The following IL1RAPL1 variants were observed in gnomAD, a reference collection of about 807,000 sequenced individuals.
IL1RAPL1 encodes the protein interleukin 1 receptor accessory protein like 1.
A neutral mutation model predicts 48.4 loss-of-function variants in IL1RAPL1; 3 were observed. The ratio of observed to expected loss-of-function variants is 0.06; its 90% CI spans 0.03 to 0.16. IL1RAPL1 has a LOEUF of 0.16. Among genes scored for constraint, IL1RAPL1 ranks in the 10% least tolerant of loss-of-function variants. IL1RAPL1 has a pLI of 1.00. For synonymous variants in IL1RAPL1, 185 were observed against 187.7 expected (o/e 0.99, Z 0.12); for missense variants, 349 against 530.6 (o/e 0.66, Z 3.36).
chrX:29,866,271 G>C (rs532617405), intron 6 of IL1RAPL1, among the ~76,000 whole-genome samples: 2 of 111,687 alleles, frequency 1.8e-5, no homozygotes, highest in African/African-American at 6.5e-5. Flanking sequence ...TGTGACAGGT[G>C]CTGCTCCAGG....
At position 29,423,501 on chromosome X, in the gene IL1RAPL1, T is replaced by A. The variant is rs766859153; in HGVS notation, c.703+24193T>A. Among the ~76,000 whole-genome samples, 246 of 112,038 alleles carry A rather than the reference T, an allele frequency of 2.2e-3. 2 individuals are homozygous for A. Among genetic ancestry groups the A allele is most frequent in the Non-Finnish European group, 3.4e-3 (182 of 53,219 alleles). On this transcript the variant is annotated intron_variant, in intron 5 of 10. Transcript: ENST00000378993. ...GAAAACAATATAGGTTAGCGATACATCTATTCTGGTGTCAACGCCAGAATA... is the reference window on the plus strand; with the variant it reads ...GAAAACAATATAGGTTAGCGATACAACTATTCTGGTGTCAACGCCAGAATA...
intron 2 of IL1RAPL1, among the ~76,000 whole-genome samples, chrX:29,015,869 T>C (rs1926230331): frequency 9.0e-6 from 1 of 110,762 alleles, no homozygotes; most frequent in South Asian, 3.7e-4. Context: ...TCCTTAACTT[T>C]ATACATGCTT....
rs762097030 is a variant in IL1RAPL1 at position 29,217,144 on chromosome X, G to T, written c.83-65794G>T. 2.7e-5 allele frequency among the ~76,000 whole-genome samples: 3 copies of T among 112,206 alleles called. No individual in the cohort carries two copies. The South Asian group carries it at 1.1e-3, about 42-fold the overall frequency. On this transcript the variant is annotated intron_variant, in intron 2 of 10. Coordinates refer to ENST00000378993, the MANE Select transcript of IL1RAPL1 (RefSeq NM_014271.4). ...GTCACACTTAAAAAGGACAGGCAGG[G>T]TTGTTTATCGCCCATGATGGACTGC...
At chrX:29,598,436 G>T (rs1032296748) in intron 5 of IL1RAPL1, among the ~76,000 whole-genome samples, 1 of 111,587 alleles carries the variant, frequency 9.0e-6, no homozygotes, top group Non-Finnish European at 1.9e-5. Context: ...GACTTGTTTT[G>T]TGGCCTATTA....
intron 2 of IL1RAPL1, among the ~76,000 whole-genome samples, chrX:28,994,069 GAAAA>G: frequency 9.6e-6 from 1 of 104,540 alleles, no homozygotes; most frequent in Middle Eastern, 4.9e-3. Context: ...GGCATTTTAA[GAAAA>G]AAAAAAGTAT....
chrX:29,852,514 C>T (rs1601852170), intron 6 of IL1RAPL1, among the ~76,000 whole-genome samples: 1 of 111,644 alleles, frequency 9.0e-6, no homozygotes. Context: ...TTTTTTGGGA[C>T]AACAAAGCCC....
chrX:29,387,277 G>A (rs1042382224), intron 3 of IL1RAPL1, among the ~76,000 whole-genome samples: 3 of 112,214 alleles, frequency 2.7e-5, no homozygotes, highest in African/African-American at 9.7e-5. Context: ...TATAGATGAA[G>A]AATATCTTGT....
intron 2 of IL1RAPL1, among the ~76,000 whole-genome samples, chrX:29,016,489 C>A (rs1926243180): frequency 9.0e-6 from 1 of 110,916 alleles, no homozygotes; most frequent in Non-Finnish European, 1.9e-5. Context: ...CCTTTGTAAG[C>A]CCTTTACAGT....
At chrX:28,588,315 A>G (rs767337062) in intron 1 of IL1RAPL1, among the ~76,000 whole-genome samples, 2 of 108,892 alleles carry the variant, frequency 1.8e-5, no homozygotes, top group Admixed American at 1.0e-4. Flanking sequence ...AAATCAAAGT[A>G]TCACTCTCTC....
At chrX:29,115,036 C>T (rs1928651556) in intron 2 of IL1RAPL1, among the ~76,000 whole-genome samples, 1 of 111,950 alleles carries the variant, frequency 8.9e-6, no homozygotes, top group Non-Finnish European at 1.9e-5. Context: ...ATATTTTGCT[C>T]ATTTACTTCT....
At chrX:28,707,693 A>G (rs895028100) in intron 1 of IL1RAPL1, among the ~76,000 whole-genome samples, 3 of 112,062 alleles carry the variant, frequency 2.7e-5, no homozygotes, top group African/African-American at 9.7e-5. Flanking sequence ...GACCCGAATG[A>G]TGTTAACTAC....
intron 2 of IL1RAPL1, among the ~76,000 whole-genome samples, chrX:29,013,077 C>A (rs760783187): frequency 9.0e-6 from 1 of 110,680 alleles, no homozygotes; most frequent in Non-Finnish European, 1.9e-5. Flanking sequence ...CCTGTCAAAG[C>A]AAAAGCATAT....
chrX:28,667,421 T>A (rs1312919189), intron 1 of IL1RAPL1, among the ~76,000 whole-genome samples: 1 of 112,360 alleles, frequency 8.9e-6, no homozygotes, highest in Non-Finnish European at 1.9e-5. Context: ...TTGCCTCGCA[T>A]GTCTTTTGCT....
chrX:29,750,506 G>T (rs1928432269), intron 6 of IL1RAPL1, among the ~76,000 whole-genome samples: 1 of 111,085 alleles, frequency 9.0e-6, no homozygotes, highest in Non-Finnish European at 1.9e-5. Context: ...TTTATTAATG[G>T]CCACACTAGG....
intron 1 of IL1RAPL1, among the ~76,000 whole-genome samples, chrX:28,752,971 A>G (rs969405587): frequency 1.2e-4 from 14 of 112,639 alleles, no homozygotes; most frequent in Non-Finnish European, 2.1e-4. Context: ...AGGCATCTTT[A>G]TATTTCATTT....
intron 2 of IL1RAPL1, among the ~76,000 whole-genome samples, chrX:29,002,426 T>A (rs1327398294): frequency 4.5e-5 from 5 of 110,816 alleles, no homozygotes; most frequent in African/African-American, 1.6e-4. Context: ...AAGGTGCTTC[T>A]AAGTACTGGT....
intron 5 of IL1RAPL1, among the ~76,000 whole-genome samples, chrX:29,437,032 A>C (rs1291493825): frequency 1.8e-5 from 2 of 111,058 alleles, no homozygotes; most frequent in Non-Finnish European, 3.8e-5. Context: ...ATGTATAAAT[A>C]TATTAAAATT....
rs773236971 is a variant in IL1RAPL1, at chrX:29,421,167, A to G, written c.703+21859A>G. Reference sequence around the variant, plus strand: ...TTTTTCCTTAGTTCAGCTAGAAACCAGGTTCTTGTCACATGACCAGGAAAG... The same window carrying G: ...TTTTTCCTTAGTTCAGCTAGAAACCGGGTTCTTGTCACATGACCAGGAAAG... On this transcript the variant is annotated intron_variant, in intron 5 of 10. Coordinates refer to ENST00000378993, the MANE Select transcript of IL1RAPL1 (RefSeq NM_014271.4). Among the ~76,000 whole-genome samples the G allele has an allele frequency of 5.3e-5, 6 of 112,330 alleles. No individual in the cohort carries two copies. The East Asian group carries it at 1.7e-3, about 31-fold the overall frequency.
chrX:29,674,243 A>G (rs1230419048), intron 6 of IL1RAPL1, among the ~76,000 whole-genome samples: 1 of 111,364 alleles, frequency 9.0e-6, no homozygotes, highest in Non-Finnish European at 1.9e-5. Flanking sequence ...CCTGGTCAAT[A>G]TAGTGAGACC....
Sources: allele counts gnomAD v4.1 joint callset (sites outside exome capture counted in the v4.1 genomes callset), GRCh38; gene constraint gnomAD v4.1.1; transcripts MANE v1.5; gene names NCBI Gene and HGNC (gene_info 2026-07-23, HGNC 2026-07-21).